Variants in ZNF236 observed in about 807,000 individuals in gnomAD.
The protein encoded by ZNF236 is regulated by glucose.
ZNF236 carries 50 observed loss-of-function variants against 191.2 expected under a neutral mutation model. That is an observed-to-expected ratio of 0.26 (90% CI 0.21 to 0.33). The LOEUF is 0.33. Among genes scored for constraint, ZNF236 ranks in the 10% least tolerant of loss-of-function variants. ZNF236 has a pLI of 1.00. For missense variants in ZNF236, 1,754 were observed against 2,374.5 expected, an observed-to-expected ratio of 0.74 and a Z score of 5.43; for synonymous variants, 907 against 928.8, an observed-to-expected ratio of 0.98 and a Z score of 0.43.
At chr18:76,952,214 A>C (rs542793100) in intron 27 of ZNF236, among the ~76,000 whole-genome samples, 10 of 152,358 alleles carry the variant, frequency 6.6e-5, no homozygotes, top group African/African-American at 2.2e-4. Context: ...AAACGACAGG[A>C]TATCTATGGA....
intron 5 of ZNF236, among the ~76,000 whole-genome samples, chr18:76,873,273 TA>T (rs1246093931): frequency 6.6e-6 from 1 of 152,218 alleles, no homozygotes; most frequent in African/African-American, 2.4e-5. Context: ...TCTACCCCAT[TA>T]GATGTTTTTT....
At chr18:76,904,260 C>T (rs1455039898) in intron 11 of ZNF236, 120 bp from the exon 12 acceptor site, 1 of 906,652 alleles carries the variant, frequency 1.1e-6, no homozygotes, top group East Asian at 3.1e-5. Flanking sequence ...AACATAGTTG[C>T]AACATTAGAA....
At chr18:76,963,398 C>A (rs1416417375) in intron 30 of ZNF236, among the ~76,000 whole-genome samples, 1 of 151,938 alleles carries the variant, frequency 6.6e-6, no homozygotes, top group Non-Finnish European at 1.5e-5. Context: ...ATATGTTAAA[C>A]CATTCCTGCA....
chr18:76,947,920 C>T (rs755983782), intron 27 of ZNF236, among the ~76,000 whole-genome samples: 4 of 152,032 alleles, frequency 2.6e-5, no homozygotes, highest in Admixed American at 6.6e-5. Flanking sequence ...CACAGTGATA[C>T]GTAAATCTAA....
intron 26 of ZNF236, among the ~76,000 whole-genome samples, chr18:76,942,380 C>A (rs1199414500): frequency 6.6e-6 from 1 of 152,130 alleles, no homozygotes; most frequent in Non-Finnish European, 1.5e-5. Flanking sequence ...ATAGGAAAGT[C>A]ATGTAAACTT....
intron 26 of ZNF236, among the ~76,000 whole-genome samples, chr18:76,937,854 A>C (rs1968041381): frequency 6.6e-6 from 1 of 152,222 alleles, no homozygotes; most frequent in Non-Finnish European, 1.5e-5. Context: ...CGTTGAGCTA[A>C]GATGCTGAAA....
Position 76,919,729 on chromosome 18 carries a change from G to C in ZNF236, c.3275-47G>C. 1 of 1,595,616 alleles carries C rather than the reference G, an allele frequency of 6.3e-7. No individual in the cohort carries two copies. The highest frequency in any genetic ancestry group is 8.6e-7 in the Non-Finnish European group (1 of 1,167,508). On this transcript the variant is annotated intron_variant, in intron 19 of 30. Transcript: ENST00000320610. The surrounding 1 kb of genome is among the most constrained non-coding windows in gnomAD (Gnocchi z 5.3). ...TTTTAATTGTTTTGCTAAAAACCTAGGTTTTCTTCATTACGATTTTGATCC... is the reference window on the plus strand; with the variant it reads ...TTTTAATTGTTTTGCTAAAAACCTACGTTTTCTTCATTACGATTTTGATCC...
intron 3 of ZNF236, among the ~76,000 whole-genome samples, chr18:76,866,426 G>C (rs911756753): frequency 1.3e-5 from 2 of 152,214 alleles, no homozygotes; most frequent in Admixed American, 6.5e-5. Flanking sequence ...ATGATGATGG[G>C]GGGGATCCTG....
At chr18:76,843,775 CAAAAAAAA>C (rs780026489) in intron 1 of ZNF236, among the ~76,000 whole-genome samples, 29 of 8,256 alleles carry the variant, frequency 3.5e-3, no homozygotes, top group East Asian at 0.011. Context: ...GACTCCGTCT[CAAAAAAAA>C]AAAAAAAAAA....
chr18:76,940,482 T>C (rs185359977), intron 26 of ZNF236, among the ~76,000 whole-genome samples: 1 of 152,358 alleles, frequency 6.6e-6, no homozygotes, highest in Non-Finnish European at 1.5e-5. Context: ...TTGTAGACTT[T>C]TAACTATCAT....
intron 1 of ZNF236, among the ~76,000 whole-genome samples, chr18:76,824,621 G>A (rs1037001210): frequency 6.6e-6 from 1 of 152,192 alleles, no homozygotes; most frequent in Non-Finnish European, 1.5e-5. Flanking sequence ...TTAGGATAGA[G>A]AAAGAATGTA....
rs563527477 is a variant in ZNF236, at chr18:76,836,256, A to T, written c.56-13270A>T. 1.1e-3 allele frequency among the ~76,000 whole-genome samples: 170 copies of T among 148,730 alleles called. 1 individual carries two copies. Among genetic ancestry groups the T allele is most frequent in the Non-Finnish European group, 1.3e-4 (9 of 67,074 alleles). On this transcript the variant is annotated intron_variant, in intron 1 of 30. Transcript: ENST00000320610. Reference sequence around the variant, plus strand: ...CTTTGAGGCAGTGTCTCACTCTTTCAGTTGCCCAGGCTGGAGTGCAGTGGT... The same window carrying T: ...CTTTGAGGCAGTGTCTCACTCTTTCTGTTGCCCAGGCTGGAGTGCAGTGGT...
intron 9 of ZNF236, among the ~76,000 whole-genome samples, chr18:76,893,806 C>T (rs1264140505): frequency 6.6e-6 from 1 of 152,250 alleles, no homozygotes; most frequent in Non-Finnish European, 1.5e-5. Flanking sequence ...AGCCACTGCG[C>T]CCGGCCCACC....
At chr18:76,891,096 G>A (rs1174618532) in intron 9 of ZNF236, among the ~76,000 whole-genome samples, 2 of 152,190 alleles carry the variant, frequency 1.3e-5, no homozygotes, top group Non-Finnish European at 2.9e-5. Context: ...GTCAACAGGA[G>A]GCTATTGACA....
chr18:76,860,076 A>G (rs1451692503), intron 3 of ZNF236, among the ~76,000 whole-genome samples: 1 of 152,062 alleles, frequency 6.6e-6, no homozygotes, highest in East Asian at 1.9e-4. Context: ...GGGGCTTCTG[A>G]AGCATGTGCT....
intron 25 of ZNF236, 26 bp downstream of exon 25, chr18:76,928,132 C>A (rs758194634): frequency 6.3e-7 from 1 of 1,581,112 alleles, no homozygotes; most frequent in East Asian, 2.3e-5. Flanking sequence ...TTTTAAACAT[C>A]TTTTCACCCT....
intron 1 of ZNF236, among the ~76,000 whole-genome samples, chr18:76,844,226 T>G: frequency 7.1e-6 from 1 of 141,440 alleles, no homozygotes; most frequent in African/African-American, 2.7e-5. Flanking sequence ...AGTGACAGAG[T>G]GAGACTCCAT....
intron 27 of ZNF236, among the ~76,000 whole-genome samples, chr18:76,948,395 G>A (rs1051631481): frequency 2.0e-5 from 3 of 152,196 alleles, no homozygotes; most frequent in African/African-American, 7.2e-5. Flanking sequence ...AGTAACCAGA[G>A]CTGTCTCACT....
At chr18:76,891,709 T>G (rs1977237194) in intron 9 of ZNF236, among the ~76,000 whole-genome samples, 2 of 152,018 alleles carry the variant, frequency 1.3e-5, no homozygotes, top group Non-Finnish European at 1.5e-5. Flanking sequence ...AATCTTTGAT[T>G]TAATTTTTTT....
Sources: gnomAD v4.1 joint callset for allele counts (sites outside exome capture counted in the v4.1 genomes callset) on GRCh38, gnomAD v4.1.1 for gene constraint, Gnocchi (gnomAD v3.1) non-coding constraint, MANE v1.5 for transcripts, NCBI Gene and HGNC (gene_info 2026-07-23, HGNC 2026-07-21) for gene names.